PAK1: variants seen among roughly 807,000 people sequenced by gnomAD.
The protein encoded by PAK1 is serine/threonine-protein kinase PAK 1.
In PAK1, 29 loss-of-function variants were observed where a neutral mutation model predicts 67.4. The observed-to-expected ratio is 0.43, with a 90% confidence interval of 0.32 to 0.59. The LOEUF (loss-of-function observed/expected upper bound fraction) is 0.59. Among genes scored for constraint, PAK1 ranks in the 20% least tolerant of loss-of-function variants. The pLI, the probability that PAK1 is intolerant of heterozygous loss-of-function variation, is 0.07. For missense variants in PAK1, 337 were observed against 670.7 expected (o/e 0.50, Z 5.50); for synonymous variants, 223 against 237.4 (o/e 0.94, Z 0.56).
chr11:77,358,633 T>C (rs1946362087), intron 6 of PAK1, among the ~76,000 whole-genome samples: 2 of 152,156 alleles, frequency 1.3e-5, no homozygotes, highest in Non-Finnish European at 1.5e-5. Context: ...GTCCTATCTG[T>C]GGAGAACCGA....
intron 14 of PAK1, among the ~76,000 whole-genome samples, chr11:77,326,727 C>T (rs932800139): frequency 8.6e-5 from 13 of 152,024 alleles, no homozygotes; most frequent in East Asian, 1.9e-4. Context: ...AAAATCAGAG[C>T]GCCTCTCCTC....
Position 77,337,438 on chromosome 11 carries a change from TG to T in PAK1, c.1117-16del. ...GCCTGCAGACACTATTGAAGTGGTG[TG>T]GGCAGGGGGAGAAAGAAAGGACATA... On this transcript the variant is annotated splice_polypyrimidine_tract_variant and intron_variant, in intron 11 of 14. Coordinates refer to ENST00000356341, the MANE Select transcript of PAK1 (RefSeq NM_002576.5). The T allele has an allele frequency of 6.9e-7, 1 of 1,456,574 alleles. No individual in the cohort carries two copies. The highest frequency in any genetic ancestry group is 9.6e-7 in the Non-Finnish European group (1 of 1,040,596). The allele number at this position is 1,456,574 out of a possible 1,614,324, so 90.2% of individuals were successfully genotyped here.
intron 1 of PAK1, among the ~76,000 whole-genome samples, chr11:77,455,628 C>G (rs1957048626): frequency 6.6e-6 from 1 of 152,198 alleles, no homozygotes; most frequent in South Asian, 2.1e-4. Context: ...TCTCTGATAT[C>G]CTTTAATAAA....
chr11:77,344,603 T>C (rs1944120044), intron 9 of PAK1, among the ~76,000 whole-genome samples: 1 of 152,246 alleles, frequency 6.6e-6, no homozygotes, highest in South Asian at 2.1e-4. Flanking sequence ...TGTTATTTCA[T>C]TTAATCTTCA....
chr11:77,397,889 T>C (rs1207914753), intron 1 of PAK1, among the ~76,000 whole-genome samples: 3 of 152,344 alleles, frequency 2.0e-5, no homozygotes, highest in South Asian at 2.1e-4. Flanking sequence ...CAGCAATTTA[T>C]AGGTAGAGTA....
At chr11:77,342,658 T>A (rs996308216) in intron 10 of PAK1, among the ~76,000 whole-genome samples, 1 of 152,228 alleles carries the variant, frequency 6.6e-6, no homozygotes, top group African/African-American at 2.4e-5. Flanking sequence ...GAAGGCTTTA[T>A]TCTTTATAGT....
At chr11:77,508,119 G>A in the PAK1 span, among the ~76,000 whole-genome samples, 158 of 152,262 alleles carry the variant, frequency 1.0e-3, 1 homozygote, top group Admixed American at 3.3e-3. Flanking sequence ...GTTACTTTGT[G>A]TCTGACTTCT....
At chr11:77,482,720 C>G in the PAK1 span, among the ~76,000 whole-genome samples, 165 of 151,978 alleles carry the variant, frequency 1.1e-3, 1 homozygote, top group Middle Eastern at 6.8e-3. Flanking sequence ...CAGCCTTCAG[C>G]CTGCTGAGTA....
chr11:77,419,030 A>G (rs1363424651), intron 1 of PAK1, among the ~76,000 whole-genome samples: 1 of 152,204 alleles, frequency 6.6e-6, no homozygotes, highest in African/African-American at 2.4e-5. Context: ...GAAAAACCAA[A>G]CGCTGGTTTG....
chr11:77,414,798 A>C (rs1026873945), intron 1 of PAK1, among the ~76,000 whole-genome samples: 1 of 152,212 alleles, frequency 6.6e-6, no homozygotes, highest in African/African-American at 2.4e-5. Flanking sequence ...AATGTCTAAA[A>C]TATAATGTAG....
At chr11:77,410,075 T>G (rs1954272037) in intron 1 of PAK1, among the ~76,000 whole-genome samples, 1 of 152,006 alleles carries the variant, frequency 6.6e-6, no homozygotes, top group Non-Finnish European at 1.5e-5. Flanking sequence ...CCTCCAGGCC[T>G]CCTCCTCCTC....
chr11:77,414,112 C>T (rs920709245), intron 1 of PAK1, among the ~76,000 whole-genome samples: 1 of 152,186 alleles, frequency 6.6e-6, no homozygotes, highest in Admixed American at 6.5e-5. Context: ...CCAGGAGCAA[C>T]GTCCTCCAGG....
chr11:77,443,111 T>C (rs1362147558), intron 1 of PAK1, among the ~76,000 whole-genome samples: 1 of 151,768 alleles, frequency 6.6e-6, no homozygotes, highest in African/African-American at 2.4e-5. Context: ...GATCACGAGG[T>C]CAGGAGATCA....
chr11:77,327,050 T>G (rs1487940579), intron 14 of PAK1, among the ~76,000 whole-genome samples: 1 of 151,624 alleles, frequency 6.6e-6, no homozygotes, highest in African/African-American at 2.4e-5. Flanking sequence ...GAAGACGAAA[T>G]GAATGAAATG....
the PAK1 span, among the ~76,000 whole-genome samples, chr11:77,495,545 C>G: frequency 5.3e-5 from 8 of 152,174 alleles, no homozygotes; most frequent in South Asian, 1.5e-3. Flanking sequence ...TGGATATATA[C>G]CCAAAAGAAT....
the PAK1 span, among the ~76,000 whole-genome samples, chr11:77,494,016 T>G: frequency 6.6e-6 from 1 of 152,186 alleles, no homozygotes; most frequent in African/African-American, 2.4e-5. Context: ...CTCATACAAT[T>G]TTGGTGGAAG....
At position 77,345,646 on chromosome 11, in the gene PAK1, C is replaced by T. The variant is rs181413710; in HGVS notation, c.886-1715G>A. Among the ~76,000 whole-genome samples, 897 of 152,300 alleles carry T rather than the reference C, an allele frequency of 5.9e-3. 8 individuals are homozygous for T. The highest frequency in any genetic ancestry group is 0.021 in the African/African-American group (864 of 41,574). On this transcript the variant is annotated intron_variant, in intron 9 of 14. Transcript: ENST00000356341. The stretch of plus-strand genomic sequence containing the variant: ...GTAAAAAAATCTGACCACCTCCATT[C>T]CCTACCTCAAGTAAGGAAAAATTGC...
the PAK1 span, among the ~76,000 whole-genome samples, chr11:77,498,691 A>ATTTTTTTTTTTTTTTTTTTTTTTTTTTTT: frequency 1.4e-5 from 1 of 72,052 alleles, no homozygotes; most frequent in Non-Finnish European, 2.5e-5. Flanking sequence ...CTTGCTTGTA[A>ATTTTTTTTTTTTTTTTTTTTTTTTTTTTT]TTTTTTTTTT....
At chr11:77,469,438 A>C (rs1404007072) in intron 1 of PAK1, among the ~76,000 whole-genome samples, 1 of 152,190 alleles carries the variant, frequency 6.6e-6, no homozygotes, top group African/African-American at 2.4e-5. Context: ...ACTAACAAGC[A>C]AATTATACTT....
Sources: allele counts gnomAD v4.1 joint callset (sites outside exome capture counted in the v4.1 genomes callset), GRCh38; gene constraint gnomAD v4.1.1; transcripts MANE v1.5; gene names NCBI Gene and HGNC (gene_info 2026-07-23, HGNC 2026-07-21).